RBFOX3: variants seen among roughly 807,000 people sequenced by gnomAD.
RBFOX3 encodes RNA binding fox-1 homolog 3.
In RBFOX3, 17 loss-of-function variants were observed where a neutral mutation model predicts 48.7. The ratio of observed to expected loss-of-function variants is 0.35; its 90% CI spans 0.24 to 0.52. RBFOX3 has a LOEUF of 0.52. RBFOX3 is among the 20% of genes least tolerant of loss of function. The probability of loss-of-function intolerance (pLI) is 0.94; values close to 1 mark genes in which losing one functional copy is unlikely to be tolerated. For synonymous variants in RBFOX3, 212 were observed against 209.5 expected (o/e 1.01, Z -0.10); for missense variants, 382 against 497.5 (o/e 0.77, Z 2.21).
chr17:79,233,929 A>C (rs936599314), intron 4 of RBFOX3: 1 of 152,244 alleles, frequency 6.6e-6, no homozygotes, highest in African/African-American at 2.4e-5. Context: ...TCTTTATTCT[A>C]CAAGTGACTC....
At chr17:79,441,438 G>A (rs541758686) in intron 2 of RBFOX3, among the ~76,000 whole-genome samples, 1 of 152,286 alleles carries the variant, frequency 6.6e-6, no homozygotes, top group East Asian at 1.9e-4. Flanking sequence ...AGGCCAGAGA[G>A]ACAGGAGACA....
chr17:79,220,858 G>A lies in RBFOX3; in HGVS notation c.-34+14908C>T, dbSNP rs913859696. ...GGCGGCTCTCCAGGCCTGGAGCGTG[G>A]GCCAATCAGAGACGAGGCGCAGAAG... On this transcript the variant is annotated intron_variant, in intron 4 of 14. Coordinates refer to ENST00000693108, the MANE Select transcript of RBFOX3 (RefSeq NM_001350451.2). This position sits in a 1 kb window ranked among gnomAD's most constrained non-coding sequence, Gnocchi z 5.9. 2.0e-5 allele frequency among the ~76,000 whole-genome samples: 3 copies of A among 152,004 alleles called. No homozygotes were observed. Among genetic ancestry groups the A allele is most frequent in the Non-Finnish European group, 2.9e-5 (2 of 67,988 alleles).
rs1264084912 is a variant in RBFOX3 at position 79,149,337 on chromosome 17, G to C, written c.-33-33589C>G. Among the ~76,000 whole-genome samples the C allele has an allele frequency of 3.9e-5, 6 of 152,296 alleles. No homozygotes were observed. In the East Asian group the frequency reaches 1.2e-3, roughly 29 times the overall value. The stretch of plus-strand genomic sequence containing the variant: ...CACGGGGAGCCCAGATGCAGGCAGT[G>C]GGGGGAGTGGGGGCACGGGGGAGGA... On this transcript the variant is annotated intron_variant, in intron 4 of 14. Transcript: ENST00000693108.
At chr17:79,189,783 G>A (rs1413195260) in intron 4 of RBFOX3, among the ~76,000 whole-genome samples, 1 of 152,204 alleles carries the variant, frequency 6.6e-6, no homozygotes, top group Admixed American at 6.5e-5. Flanking sequence ...GTGCCCTTGT[G>A]CCCAGACCAT....
chr17:79,613,879 C>T (rs909229807), upstream of RBFOX3, among the ~76,000 whole-genome samples: 2 of 152,192 alleles, frequency 1.3e-5, no homozygotes, highest in African/African-American at 4.8e-5. Flanking sequence ...GAGGCTGAGG[C>T]AGGAGAATCA....
intron 3 of RBFOX3, among the ~76,000 whole-genome samples, chr17:79,244,871 C>A (rs1281121544): frequency 1.3e-5 from 2 of 148,430 alleles, no homozygotes; most frequent in East Asian, 4.0e-4. Flanking sequence ...CCTTTCCCTT[C>A]CCTTTCCTTC....
chr17:79,116,579 C>T (rs1366215980), intron 4 of RBFOX3, among the ~76,000 whole-genome samples: 1 of 152,276 alleles, frequency 6.6e-6, no homozygotes, highest in Non-Finnish European at 1.5e-5. Context: ...CGCTGCCCAG[C>T]CCGCACCTGG....
chr17:79,656,342 G>A, the RBFOX3 span, among the ~76,000 whole-genome samples: 12 of 152,292 alleles, frequency 7.9e-5, no homozygotes, highest in East Asian at 1.3e-3. Context: ...GGCCGGGCAC[G>A]GTGGCTCACA....
chr17:79,534,506 T>G lies in RBFOX3; in HGVS notation c.-319-51908A>C, dbSNP rs374091232. 3.9e-5 allele frequency among the ~76,000 whole-genome samples: 6 copies of G among 152,198 alleles called. No homozygotes were observed. In the East Asian group the frequency reaches 1.2e-3, roughly 29 times the overall value. ...GTCGTCACATATGAAATGGGAGCTC[T>G]GTGGGGTCTGCCAGACGCTCCCCAG... On this transcript the variant is annotated intron_variant, in intron 1 of 14. Transcript: ENST00000693108.
At chr17:79,309,892 C>G (rs73413604) in intron 2 of RBFOX3, among the ~76,000 whole-genome samples, 2 of 152,192 alleles carry the variant, frequency 1.3e-5, no homozygotes, top group African/African-American at 4.8e-5. Context: ...ACATGAGGAA[C>G]GGTGAGTCAG....
intron 9 of RBFOX3, among the ~76,000 whole-genome samples, chr17:79,100,969 A>G (rs1216122490): frequency 2.0e-5 from 3 of 152,168 alleles, no homozygotes; most frequent in Non-Finnish European, 4.4e-5. Context: ...CCATGTCAAA[A>G]AGCCCCAGGA....
chr17:79,358,238 C>T lies in RBFOX3; in HGVS notation c.-174-50414G>A, dbSNP rs181802265. 2.3e-3 allele frequency among the ~76,000 whole-genome samples: 340 copies of T among 150,966 alleles called. 1 individual carries two copies. The highest frequency in any genetic ancestry group is 7.7e-3 in the African/African-American group (318 of 41,090). On this transcript the variant is annotated intron_variant, in intron 2 of 14. Coordinates refer to ENST00000693108, the MANE Select transcript of RBFOX3 (RefSeq NM_001350451.2). ...TGGGATTACAGGTGTGACCAGTGTG[C>T]CTGGCCCCAAAGAAGCTATTTTTCA...
At chr17:79,401,288 G>A (rs575807656) in intron 2 of RBFOX3, among the ~76,000 whole-genome samples, 1 of 152,350 alleles carries the variant, frequency 6.6e-6, no homozygotes, top group African/African-American at 2.4e-5. Context: ...TGCGCACGCT[G>A]CTGCTCACGC....
chr17:79,554,505 T>G (rs2091456645), intron 1 of RBFOX3, among the ~76,000 whole-genome samples: 1 of 152,018 alleles, frequency 6.6e-6, no homozygotes, highest in Admixed American at 6.5e-5. Flanking sequence ...ACCCCCGACC[T>G]GGCCCTGCTG....
intron 1 of RBFOX3, among the ~76,000 whole-genome samples, chr17:79,503,879 G>T (rs1365662123): frequency 6.6e-6 from 1 of 152,196 alleles, no homozygotes; most frequent in Admixed American, 6.5e-5. Context: ...AGCTCACAGG[G>T]GCTCCTGGAC....
chr17:79,172,123 G>A (rs1345837920), intron 4 of RBFOX3, among the ~76,000 whole-genome samples: 3 of 129,602 alleles, frequency 2.3e-5, no homozygotes, highest in East Asian at 2.4e-4. Flanking sequence ...GCAGTGAGCC[G>A]ACATTACACC....
At chr17:79,148,720 C>A (rs897619237) in intron 4 of RBFOX3, among the ~76,000 whole-genome samples, 14 of 152,212 alleles carry the variant, frequency 9.2e-5, no homozygotes, top group Non-Finnish European at 7.3e-5. Context: ...TTGGGCGACT[C>A]TATCCCAGAA....
rs2078135735 is a variant in RBFOX3 at position 79,477,671 on chromosome 17, G to A, written c.-175+4783C>T. ...TCTCACAGGGACATCCTCAGAGCTTGCTCTGGTGGTGAACAAGCAAAGGGG... is the reference window on the plus strand; with the variant it reads ...TCTCACAGGGACATCCTCAGAGCTTACTCTGGTGGTGAACAAGCAAAGGGG... On this transcript the variant is annotated intron_variant, in intron 2 of 14. Coordinates refer to ENST00000693108, the MANE Select transcript of RBFOX3 (RefSeq NM_001350451.2). The surrounding 1 kb of genome is among the most constrained non-coding windows in gnomAD (Gnocchi z 4.8). Among the ~76,000 whole-genome samples, 1 of 152,150 alleles carries A rather than the reference G, an allele frequency of 6.6e-6. No homozygotes were observed. Among genetic ancestry groups the A allele is most frequent in the Admixed American group, 6.6e-5 (1 of 15,262 alleles).
intron 3 of RBFOX3, among the ~76,000 whole-genome samples, chr17:79,261,346 CCACATG>C (rs1188152941): frequency 6.6e-6 from 1 of 152,238 alleles, no homozygotes. Context: ...CACCCCGAAG[CCACATG>C]CACAGGGTCT....
Sources: gnomAD v4.1 joint callset for allele counts (sites outside exome capture counted in the v4.1 genomes callset) on GRCh38, gnomAD v4.1.1 for gene constraint, Gnocchi (gnomAD v3.1) non-coding constraint, MANE v1.5 for transcripts, NCBI Gene and HGNC (gene_info 2026-07-23, HGNC 2026-07-21) for gene names.